Variants in CHIA observed in about 807,000 individuals in gnomAD.
CHIA encodes acidic mammalian chitinase.
CHIA carries 47 observed loss-of-function variants against 53.5 expected under a neutral mutation model. The ratio of observed to expected loss-of-function variants is 0.88; its 90% CI spans 0.70 to 1.12. The LOEUF is 1.12. Ranked by LOEUF, CHIA falls within the 50% of genes most tolerant of loss-of-function variation. CHIA has a pLI of 0.00. For missense variants in CHIA, 652 were observed against 592.2 expected (o/e 1.10, Z -1.05); for synonymous variants, 268 against 222.2 (o/e 1.21, Z -1.83).
chr1:111,312,093 G>A (rs1047420587), intron 3 of CHIA, 97 bp from the exon 4 acceptor site: 15 of 905,970 alleles, frequency 1.7e-5, no homozygotes, highest in Middle Eastern at 3.2e-4. Flanking sequence ...TCAGGCATCT[G>A]AGGCACAGGG....
At chr1:111,299,702 T>C (rs572969684) in intron 1 of CHIA, among the ~76,000 whole-genome samples, 36 of 152,290 alleles carry the variant, frequency 2.4e-4, no homozygotes, top group South Asian at 8.3e-4. Flanking sequence ...CCTCTCTCAC[T>C]ACTCCTATTC....
intron 6 of CHIA, 73 bp from the exon 7 acceptor site, chr1:111,317,606 CAT>C: frequency 6.6e-7 from 1 of 1,515,256 alleles, no homozygotes; most frequent in Non-Finnish European, 9.1e-7. Context: ...ATTATACAGA[CAT>C]ATGTTTATTA....
chr1:111,314,460 TC>T (rs1429808060), intron 4 of CHIA, 79 bp from the exon 5 acceptor site: 1 of 973,978 alleles, frequency 1.0e-6, no homozygotes, highest in East Asian at 2.4e-5. Context: ...TCTGACCAGA[TC>T]CAACACTAAA....
At chr1:111,319,081 G>A in intron 9 of CHIA, 39 bp from the exon 10 acceptor site, 1 of 1,589,692 alleles carries the variant, frequency 6.3e-7, no homozygotes. Context: ...TTTAATGGGA[G>A]TAACATTTAA....
chr1:111,312,646 G>A (rs1365103893), intron 4 of CHIA, among the ~76,000 whole-genome samples: 2 of 152,070 alleles, frequency 1.3e-5, no homozygotes, highest in Admixed American at 1.3e-4. Flanking sequence ...AATGTTTTTT[G>A]TGGTGAGAAC....
intron 1 of CHIA, among the ~76,000 whole-genome samples, chr1:111,292,325 A>G (rs891361460): frequency 3.9e-5 from 6 of 152,214 alleles, no homozygotes; most frequent in Admixed American, 2.0e-4. Context: ...AATGTCACAT[A>G]TCTAGAAAGA....
chr1:111,302,510 T>C (rs1169044094), intron 1 of CHIA, among the ~76,000 whole-genome samples: 1 of 152,244 alleles, frequency 6.6e-6, no homozygotes, highest in African/African-American at 2.4e-5. Flanking sequence ...TTCTTTAATC[T>C]ATTATTAAGA....
intron 1 of CHIA, among the ~76,000 whole-genome samples, chr1:111,296,659 C>T (rs1341635841): frequency 6.6e-6 from 1 of 152,174 alleles, no homozygotes; most frequent in Non-Finnish European, 1.5e-5. Context: ...TCCAGAGCAC[C>T]TCTTATCCTC....
At chr1:111,314,693 G>T in intron 5 of CHIA, 97 bp downstream of exon 5, 3 of 806,480 alleles carry the variant, frequency 3.7e-6, no homozygotes, top group South Asian at 1.5e-5. Context: ...TCTAAGACAG[G>T]GTATTGAGGA....
intron 1 of CHIA, among the ~76,000 whole-genome samples, chr1:111,300,854 A>C (rs1647664598): frequency 6.6e-6 from 1 of 152,226 alleles, no homozygotes; most frequent in Non-Finnish European, 1.5e-5. Flanking sequence ...CTAATACCAG[A>C]ATCTACAAAG....
chr1:111,319,545 ACCTCC>A lies in CHIA; in HGVS notation c.1177+80_1177+84del, dbSNP rs1649482207. ...CAAAAAGCAACCCTGATGTCTTCCC[ACCTCC>A]CCCTTGCCCAGGGATCCTCTTTCCA... On this transcript the variant is annotated intron_variant, in intron 11 of 11. Transcript: ENST00000369740. 4 of 1,382,814 alleles carry A rather than the reference ACCTCC, an allele frequency of 2.9e-6. No individual in the cohort carries two copies. In the African/African-American group the frequency reaches 4.3e-5, roughly 15 times the overall value. The allele number at this position is 1,382,814 out of a possible 1,614,324, so 85.7% of individuals were successfully genotyped here.
chr1:111,314,978 C>T, intron 5 of CHIA: 1 of 418,910 alleles, frequency 2.4e-6, no homozygotes, highest in Non-Finnish European at 4.3e-6. Flanking sequence ...TTGGAGGGTA[C>T]ATGTTTGGGG....
intron 1 of CHIA, among the ~76,000 whole-genome samples, chr1:111,300,344 A>G (rs532153321): frequency 6.6e-6 from 1 of 152,244 alleles, no homozygotes; most frequent in South Asian, 2.1e-4. Flanking sequence ...CTACAAGGCT[A>G]CAGTAACCAA....
chr1:111,290,910 G>A lies in CHIA; in HGVS notation c.-109G>A, dbSNP rs1208090351. Reference sequence around the variant, plus strand: ...ACAGGTGGCCGACTCTGGAGCCCAGGCTGTTGCTTTCCAGTCTGGTGGTGA... The same window carrying A: ...ACAGGTGGCCGACTCTGGAGCCCAGACTGTTGCTTTCCAGTCTGGTGGTGA... On this transcript the variant is annotated 5_prime_UTR_variant, in exon 1 of 12. Coordinates refer to ENST00000369740, the MANE Select transcript of CHIA (RefSeq NM_201653.4). 2.1e-6 allele frequency: 1 copy of A among 468,704 alleles called. No homozygotes were observed. 29.0% of individuals were successfully genotyped at this position (468,704 alleles called of 1,614,324 possible). A position where few individuals can be genotyped will look rare whatever the true frequency, so the allele number is the denominator to read the frequency against.
At chr1:111,298,411 A>G (rs1407817331) in intron 1 of CHIA, among the ~76,000 whole-genome samples, 1 of 152,242 alleles carries the variant, frequency 6.6e-6, no homozygotes, top group African/African-American at 2.4e-5. Context: ...ACCACAGCGC[A>G]ATCAAATTAG....
chr1:111,319,292 G>A, intron 10 of CHIA, 35 bp from the exon 11 acceptor site: 1 of 1,614,098 alleles, frequency 6.2e-7, no homozygotes, highest in Non-Finnish European at 8.5e-7. Context: ...TCCCAGGAAA[G>A]CAAGTGATTC....
intron 1 of CHIA, among the ~76,000 whole-genome samples, chr1:111,306,281 T>G (rs1465723734): frequency 1.3e-5 from 2 of 152,140 alleles, no homozygotes; most frequent in Admixed American, 6.6e-5. Context: ...AAACAGTGTG[T>G]GTGAGTTGGA....
chr1:111,297,901 C>CAAAAAAAAAGAAAAA (rs1647316565), intron 1 of CHIA, among the ~76,000 whole-genome samples: 1 of 31,856 alleles, frequency 3.1e-5, no homozygotes, highest in Non-Finnish European at 5.0e-5. Flanking sequence ...AAATGGAAAG[C>CAAAAAAAAAGAAAAA]AAAAAAAAAA....
chr1:111,315,577 C>T (rs1207874089), intron 6 of CHIA, 142 bp downstream of exon 6: 17 of 868,884 alleles, frequency 2.0e-5, no homozygotes, highest in Admixed American at 1.1e-4. Context: ...ATATATCGTG[C>T]GTTCATTAAA....
Sources: gnomAD v4.1 joint callset for allele counts (sites outside exome capture counted in the v4.1 genomes callset) on GRCh38, gnomAD v4.1.1 for gene constraint, MANE v1.5 for transcripts, NCBI Gene and HGNC (gene_info 2026-07-23, HGNC 2026-07-21) for gene names.